Variants in NDUFAF6 observed in about 807,000 individuals in gnomAD.
The protein encoded by NDUFAF6 is NADH dehydrogenase (ubiquinone) complex I, assembly factor 6.
Under a neutral mutation model 40.8 loss-of-function variants are expected in NDUFAF6, and 45 were observed. That is an observed-to-expected ratio of 1.10 (90% confidence interval 0.87 to 1.42). NDUFAF6 has a LOEUF of 1.42. Ranked by LOEUF, NDUFAF6 falls within the 40% of genes most tolerant of loss-of-function variation. The pLI is 0.00. For missense variants in NDUFAF6, 435 were observed against 418.5 expected (o/e 1.04, Z -0.34); for synonymous variants, 185 against 155.9 (o/e 1.19, Z -1.39).
At chr8:95,092,172 C>T (rs1381879701) in intron 2 of NDUFAF6, among the ~76,000 whole-genome samples, 2 of 138,614 alleles carry the variant, frequency 1.4e-5, no homozygotes, top group African/African-American at 2.8e-5. Context: ...TTAAAATTCC[C>T]CTTTGACACA....
At chr8:94,919,507 G>GT (rs1481522203) in intron 1 of NDUFAF6, among the ~76,000 whole-genome samples, 1 of 152,158 alleles carries the variant, frequency 6.6e-6, no homozygotes, top group Admixed American at 6.5e-5. Flanking sequence ...AGTTTAGAAT[G>GT]TCATTCATTT....
At chr8:95,006,129 G>A (rs1826967277) in intron 2 of NDUFAF6, among the ~76,000 whole-genome samples, 1 of 151,932 alleles carries the variant, frequency 6.6e-6, no homozygotes, top group Non-Finnish European at 1.5e-5. Flanking sequence ...AGGCCGAGGT[G>A]GGCAGATCAC....
chr8:95,081,586 A>G (rs904876814), intron 2 of NDUFAF6, among the ~76,000 whole-genome samples: 4 of 152,210 alleles, frequency 2.6e-5, no homozygotes, highest in Non-Finnish European at 5.9e-5. Context: ...TGGTAGAGGA[A>G]AACATTTAAT....
chr8:94,939,174 A>G (rs1821280474), intron 1 of NDUFAF6, among the ~76,000 whole-genome samples: 1 of 152,324 alleles, frequency 6.6e-6, no homozygotes, highest in South Asian at 2.1e-4. Context: ...TCATTTGATG[A>G]GATGTAGCTA....
intron 4 of NDUFAF6, among the ~76,000 whole-genome samples, chr8:95,043,349 G>A (rs1056591233): frequency 1.4e-4 from 21 of 151,602 alleles, no homozygotes; most frequent in East Asian, 3.9e-4. Context: ...TCAGCCTCCC[G>A]AAGTGCTGGG....
intron 2 of NDUFAF6, among the ~76,000 whole-genome samples, chr8:95,007,630 C>T (rs989763390): frequency 5.4e-5 from 8 of 147,954 alleles, no homozygotes; most frequent in Non-Finnish European, 8.9e-5. Flanking sequence ...TGCCACTGCA[C>T]TCCAGCCTGG....
At chr8:94,902,368 C>T (rs1281246187) in intron 1 of NDUFAF6, among the ~76,000 whole-genome samples, 1 of 149,666 alleles carries the variant, frequency 6.7e-6, no homozygotes, top group Non-Finnish European at 1.5e-5. Flanking sequence ...GCAGTGAGCC[C>T]AGATCATGCC....
intron 4 of NDUFAF6, among the ~76,000 whole-genome samples, chr8:95,112,914 G>A (rs28363757): frequency 0.034 from 5,231 of 152,314 alleles, 258 homozygotes; most frequent in African/African-American, 0.11. Context: ...CAGTTGCCAC[G>A]ATGGAGCAAA....
In NDUFAF6 at chr8:95,088,757, ATTTTAT is replaced by A. The variant is rs1809143502; in HGVS notation, n.214-12371_214-12366del. Among the ~76,000 whole-genome samples the A allele has an allele frequency of 3.6e-5, 4 of 111,136 alleles. No individual in the cohort carries two copies. The South Asian group carries it at 1.1e-3, about 31-fold the overall frequency. 72.9% of individuals were successfully genotyped at this position (111,136 alleles called of 152,430 possible). On this transcript the variant is annotated intron_variant and non_coding_transcript_variant, in intron 2 of 5. Coordinates refer to the NDUFAF6 transcript ENST00000523184. ...CTTTTTGTTTTCTTGTTTTTATTTT[ATTTTAT>A]TTTATTATTTTTTTTGAGACAGCGT...
rs1160580256 is a variant in NDUFAF6 at position 95,069,829 on chromosome 8, T to TA, written c.*512-5803dup. 3.2e-3 allele frequency among the ~76,000 whole-genome samples: 463 copies of TA among 145,278 alleles called. 15 individuals are homozygous for TA. Among genetic ancestry groups the TA allele is most frequent in the African/African-American group, 0.011 (422 of 39,514 alleles). ...TATATATAAATATATATATATATAA[T>TA]ATATATGTATAATATTATTTTTTTC... is the stretch of plus-strand genomic sequence containing the variant. On this transcript the variant is annotated intron_variant and NMD_transcript_variant, in intron 9 of 9. Transcript: ENST00000520757.
chr8:95,013,832 G>A (rs1379387667), intron 2 of NDUFAF6, among the ~76,000 whole-genome samples: 3 of 152,086 alleles, frequency 2.0e-5, no homozygotes, highest in African/African-American at 7.2e-5. Context: ...TACTGGAAAT[G>A]TGATATTATT....
intron 2 of NDUFAF6, among the ~76,000 whole-genome samples, chr8:94,949,637 T>TGGGGCC (rs1822390948): frequency 1.3e-5 from 2 of 150,500 alleles, no homozygotes; most frequent in Non-Finnish European, 3.0e-5. Context: ...AGGGAAGCGC[T>TGGGGCC]GGGGCCGGGG....
intron 3 of NDUFAF6, chr8:95,036,360 CCTCTT>C (rs1563812329): frequency 3.1e-6 from 4 of 1,289,352 alleles, no homozygotes; most frequent in Non-Finnish European, 4.0e-6. Context: ...CAGTGGTACA[CCTCTT>C]CTCAGGTCTG....
intron 5 of NDUFAF6, among the ~76,000 whole-genome samples, chr8:95,046,281 G>A (rs1309552938): frequency 1.3e-5 from 2 of 152,104 alleles, no homozygotes; most frequent in Non-Finnish European, 2.9e-5. Flanking sequence ...TCTTGACCTC[G>A]TGATCTGCCC....
chr8:94,989,776 A>C (rs1276995083), intron 2 of NDUFAF6, among the ~76,000 whole-genome samples: 1 of 152,154 alleles, frequency 6.6e-6, no homozygotes, highest in Non-Finnish European at 1.5e-5. Flanking sequence ...TCTCTCTGTT[A>C]TCCAAGCTGG....
chr8:95,108,857 T>A (rs946856822), intron 4 of NDUFAF6, among the ~76,000 whole-genome samples: 1 of 152,154 alleles, frequency 6.6e-6, no homozygotes, highest in African/African-American at 2.4e-5. Flanking sequence ...CACAAAAGAA[T>A]TGAAAGCAGG....
chr8:95,027,573 C>A, intron 1 of NDUFAF6, among the ~76,000 whole-genome samples: 1 of 137,502 alleles, frequency 7.3e-6, no homozygotes, highest in Admixed American at 7.5e-5. Context: ...AAATGAGACC[C>A]TGTCTCAAAA....
intron 1 of NDUFAF6, among the ~76,000 whole-genome samples, chr8:94,961,299 G>A (rs928924051): frequency 9.2e-5 from 14 of 152,166 alleles, no homozygotes; most frequent in Non-Finnish European, 1.0e-4. Context: ...CATTCAATAA[G>A]AACTTTTACC....
intron 1 of NDUFAF6, among the ~76,000 whole-genome samples, chr8:94,977,017 G>A (rs1241769442): frequency 6.6e-6 from 1 of 151,784 alleles, no homozygotes; most frequent in Non-Finnish European, 1.5e-5. Flanking sequence ...CAAGCGTGGT[G>A]GCACACACCT....
Sources: gnomAD v4.1 joint callset for allele counts (sites outside exome capture counted in the v4.1 genomes callset) on GRCh38, gnomAD v4.1.1 for gene constraint, MANE v1.5 for transcripts, NCBI Gene and HGNC (gene_info 2026-07-23, HGNC 2026-07-21) for gene names.